ZNF536: variants seen among roughly 807,000 people sequenced by gnomAD.
ZNF536 encodes the protein zinc finger protein 536.
Under a neutral mutation model 84.5 loss-of-function variants are expected in ZNF536, and 13 were observed. The observed-to-expected ratio is 0.15, with a 90% CI of 0.10 to 0.24. The LOEUF is 0.24. Ranked by LOEUF, ZNF536 falls within the 10% of genes least tolerant of loss-of-function variation. The pLI is 1.00. For missense variants in ZNF536, 1,536 were observed against 1,747.5 expected, an observed-to-expected ratio of 0.88 and a Z score of 2.16; for synonymous variants, 811 against 742.5, an observed-to-expected ratio of 1.09 and a Z score of -1.50.
intron 1 of ZNF536, among the ~76,000 whole-genome samples, chr19:30,236,532 G>A (rs565238795): frequency 2.0e-5 from 3 of 149,290 alleles, no homozygotes; most frequent in Non-Finnish European, 3.0e-5. Flanking sequence ...GTTGGGGCGG[G>A]GGGGGGGTAC....
intron 1 of ZNF536, among the ~76,000 whole-genome samples, chr19:30,639,265 T>G (rs1002637619): frequency 6.6e-6 from 1 of 152,270 alleles, no homozygotes; most frequent in Admixed American, 6.5e-5. Flanking sequence ...GTAGCAACAT[T>G]AAATAAGCAT....
chr19:30,257,301 A>G (rs999912370), intron 1 of ZNF536, among the ~76,000 whole-genome samples: 2 of 152,216 alleles, frequency 1.3e-5, no homozygotes, highest in African/African-American at 2.4e-5. Flanking sequence ...TGAGCACTGC[A>G]AGAGGGCTAT....
intron 1 of ZNF536, among the ~76,000 whole-genome samples, chr19:30,692,881 T>G (rs2051470522): frequency 6.6e-6 from 1 of 152,194 alleles, no homozygotes; most frequent in Admixed American, 6.5e-5. Context: ...AGTGTTTTAT[T>G]AAATGAAGAG....
chr19:30,500,056 C>G (rs558507701), intron 2 of ZNF536, among the ~76,000 whole-genome samples: 104 of 152,294 alleles, frequency 6.8e-4, no homozygotes, highest in African/African-American at 2.4e-3. Flanking sequence ...GCTCTTTTTA[C>G]CAAAGAGGGT....
At chr19:30,314,207 C>T (rs1158205620) in intron 2 of ZNF536, among the ~76,000 whole-genome samples, 1 of 152,110 alleles carries the variant, frequency 6.6e-6, no homozygotes, top group Non-Finnish European at 1.5e-5. Context: ...CCGGGGACCC[C>T]TCTGGGGCAG....
chr19:30,622,470 A>G (rs993923633), intron 1 of ZNF536, among the ~76,000 whole-genome samples: 2 of 152,250 alleles, frequency 1.3e-5, no homozygotes, highest in Non-Finnish European at 2.9e-5. Flanking sequence ...GTGGGTCAGA[A>G]GTGGCCGTTC....
intron 1 of ZNF536, among the ~76,000 whole-genome samples, chr19:30,432,945 G>A (rs143023258): frequency 6.6e-6 from 1 of 152,266 alleles, no homozygotes; most frequent in Non-Finnish European, 1.5e-5. Context: ...GGATGGATGA[G>A]GCTCTCCCTG....
chr19:30,692,003 C>A (rs997840198), intron 1 of ZNF536, among the ~76,000 whole-genome samples: 1 of 152,158 alleles, frequency 6.6e-6, no homozygotes, highest in Non-Finnish European at 1.5e-5. Context: ...TCTCTGCAGG[C>A]GGTCATGGCC....
At chr19:30,558,295 G>T (rs1471401898), downstream of ZNF536, among the ~76,000 whole-genome samples, 1 of 152,094 alleles carries the variant, frequency 6.6e-6, no homozygotes, top group Non-Finnish European at 1.5e-5. Flanking sequence ...GGATGACTGT[G>T]GGGGGTGGGG....
At chr19:30,269,782 A>T (rs775771368) in intron 1 of ZNF536, among the ~76,000 whole-genome samples, 21 of 152,156 alleles carry the variant, frequency 1.4e-4, no homozygotes, top group Non-Finnish European at 2.2e-4. Context: ...ACGAACGAAG[A>T]TGCCACAGCC....
chr19:30,417,816 G>A (rs1256028343), intron 1 of ZNF536, among the ~76,000 whole-genome samples: 2 of 152,154 alleles, frequency 1.3e-5, no homozygotes, highest in Non-Finnish European at 2.9e-5. Flanking sequence ...TTGGATTGTA[G>A]TGGCACAATC....
At chr19:30,566,233 C>T (rs960135947) in intron 1 of ZNF536, among the ~76,000 whole-genome samples, 4 of 152,116 alleles carry the variant, frequency 2.6e-5, no homozygotes, top group African/African-American at 7.2e-5. Flanking sequence ...CGTTTTGTTC[C>T]GTTCAAAAAC....
Position 30,588,540 on chromosome 19 carries a change from A to G in ZNF536, c.169+39026A>G, listed in dbSNP as rs564872892. ...CTCACACAGGGAGTTGCACACAAACATCATGGGAAATGCATTCCTGTTTCC... is the reference window on the plus strand; with the variant it reads ...CTCACACAGGGAGTTGCACACAAACGTCATGGGAAATGCATTCCTGTTTCC... On this transcript the variant is annotated intron_variant, in intron 1 of 1. Coordinates refer to the ZNF536 transcript ENST00000592773. 3.9e-5 allele frequency among the ~76,000 whole-genome samples: 6 copies of G among 152,294 alleles called. 1 individual carries two copies. In the South Asian group the frequency reaches 1.2e-3, roughly 32 times the overall value.
chr19:30,517,804 T>C (rs765011226), intron 2 of ZNF536, among the ~76,000 whole-genome samples: 2 of 151,950 alleles, frequency 1.3e-5, no homozygotes, highest in Non-Finnish European at 2.9e-5. Flanking sequence ...AATACATACA[T>C]ACATACAAAC....
chr19:30,456,988 G>C (rs1321069297), intron 2 of ZNF536, among the ~76,000 whole-genome samples: 1 of 149,234 alleles, frequency 6.7e-6, no homozygotes, highest in Non-Finnish European at 1.5e-5. Flanking sequence ...GTTGTGGTAA[G>C]CTGTGATCAC....
intron 1 of ZNF536, among the ~76,000 whole-genome samples, chr19:30,593,843 C>G (rs566038514): frequency 4.6e-5 from 7 of 152,316 alleles, no homozygotes; most frequent in African/African-American, 1.7e-4. Context: ...TCTTCAGGCA[C>G]TTTGGAGAGG....
At chr19:30,521,397 T>C (rs1049790668) in intron 2 of ZNF536, among the ~76,000 whole-genome samples, 1 of 152,208 alleles carries the variant, frequency 6.6e-6, no homozygotes, top group South Asian at 2.1e-4. Context: ...GACACACTCA[T>C]CTTGGGATCC....
chr19:30,474,343 G>A lies in ZNF536; in HGVS notation c.2170+28611G>A, dbSNP rs548734655. ...TCTCTCTCTCTCTCTGTGTGTGTGT[G>A]TGTGAAATGATTAGGGGGTTTATAG... On this transcript the variant is annotated intron_variant, in intron 2 of 4. Transcript: ENST00000355537. Among the ~76,000 whole-genome samples, 14 of 152,200 alleles carry A rather than the reference G, an allele frequency of 9.2e-5. No homozygotes were observed. In the South Asian group the frequency reaches 2.3e-3, roughly 25 times the overall value.
At chr19:30,601,533 A>G (rs914786802) in intron 1 of ZNF536, among the ~76,000 whole-genome samples, 8 of 152,188 alleles carry the variant, frequency 5.3e-5, no homozygotes, top group Non-Finnish European at 7.4e-5. Context: ...AATTGCATGT[A>G]ACACTTGAAT....
Sources: allele counts gnomAD v4.1 joint callset (sites outside exome capture counted in the v4.1 genomes callset), GRCh38; gene constraint gnomAD v4.1.1; transcripts MANE v1.5; gene names NCBI Gene and HGNC (gene_info 2026-07-23, HGNC 2026-07-21).